Variants in NPAT observed in about 807,000 individuals in gnomAD.
NPAT encodes protein NPAT.
NPAT carries 52 observed loss-of-function variants against 130.7 expected under a neutral mutation model. The observed-to-expected ratio is 0.40, with a 90% CI of 0.32 to 0.50. The LOEUF (loss-of-function observed/expected upper bound fraction) is 0.50. NPAT is among the 20% of genes least tolerant of loss of function. The pLI is 0.68. For synonymous variants in NPAT, 580 were observed against 584.8 expected, an observed-to-expected ratio of 0.99 and a Z score of 0.12; for missense variants, 1,687 against 1,662.6, an observed-to-expected ratio of 1.01 and a Z score of -0.26.
Position 108,158,705 on chromosome 11 carries a change from C to G in NPAT, c.*237G>C, listed in dbSNP as rs2077817969. 1 of 440,890 alleles carries G rather than the reference C, an allele frequency of 2.3e-6. No individual in the cohort carries two copies. The allele number at this position is 440,890 out of a possible 1,614,324, so 27.3% of individuals were successfully genotyped here. A position where few individuals can be genotyped will look rare whatever the true frequency, so the allele number is the denominator to read the frequency against. On this transcript the variant is annotated 3_prime_UTR_variant, in exon 18 of 18. Coordinates refer to ENST00000278612, the MANE Select transcript of NPAT (RefSeq NM_002519.3). ...GAATTGTCAAAGCTATACAGTTTTG[C>G]AGATTGGCTTTACTTACATTTCTGC...
chr11:108,199,851 G>A (rs1466528142), intron 1 of NPAT, among the ~76,000 whole-genome samples: 2 of 152,122 alleles, frequency 1.3e-5, no homozygotes, highest in Non-Finnish European at 2.9e-5. Flanking sequence ...CAGCCCGTTC[G>A]GGTGTCAGTC....
intron 2 of NPAT, among the ~76,000 whole-genome samples, chr11:108,194,601 CAG>C (rs913479650): frequency 2.6e-5 from 4 of 152,156 alleles, no homozygotes; most frequent in African/African-American, 9.7e-5. Flanking sequence ...ATGAACACAT[CAG>C]AGTTTGTCAA....
chr11:108,162,726 C>T (rs528333029), intron 15 of NPAT, among the ~76,000 whole-genome samples: 8 of 152,274 alleles, frequency 5.3e-5, no homozygotes, highest in East Asian at 3.9e-4. Flanking sequence ...CCACCGCGCC[C>T]GGTTCAGGCA....
At chr11:108,166,180 T>C (rs1259814090) in intron 15 of NPAT, among the ~76,000 whole-genome samples, 3 of 151,734 alleles carry the variant, frequency 2.0e-5, no homozygotes, top group Non-Finnish European at 4.4e-5. Flanking sequence ...GATTAAGAGG[T>C]CAGGAGTTCA....
chr11:108,195,050 T>C (rs760279079), intron 2 of NPAT, among the ~76,000 whole-genome samples: 1 of 151,716 alleles, frequency 6.6e-6, no homozygotes. Flanking sequence ...TCTTGAACTC[T>C]TGACCTCGCT....
At chr11:108,209,210 G>A (rs1426230776) in intron 1 of NPAT, among the ~76,000 whole-genome samples, 1 of 152,100 alleles carries the variant, frequency 6.6e-6, no homozygotes, top group Non-Finnish European at 1.5e-5. Context: ...ATCCTGAGAG[G>A]CGGAGGCTGC....
chr11:108,217,801 T>C (rs1253807520), intron 1 of NPAT, among the ~76,000 whole-genome samples: 1 of 152,144 alleles, frequency 6.6e-6, no homozygotes. Flanking sequence ...CAGAACAGCC[T>C]GGCCAATATG....
rs200453131 is a variant in NPAT, at chr11:108,172,355, C to T, written c.2629G>A (p.Ala877Thr). ...GACTGACTTACAGATGTTCCTAACG[C>T]TGTTGGATCAGTCACACAGGTAGCT... The part of the protein sequence containing the change: ...LIATCVTDPT[A>T]LGTSVSQSNV... The change falls in exon 13 of 18, where the codon GCG becomes ACG. Residue 877 changes from alanine (A) to threonine (T), a missense_variant. Ala to Thr is a moderately conservative substitution (Grantham distance 58). This residue lies in a region of NPAT where 1,379 missense variants were observed against 1,346.6 expected (regional missense o/e 1.02). Transcript: ENST00000278612. 12 of 1,614,078 alleles carry T rather than the reference C, an allele frequency of 7.4e-6. 2 individuals carry two copies. The highest frequency in any genetic ancestry group is 5.5e-5 in the South Asian group (5 of 91,086).
intron 1 of NPAT, among the ~76,000 whole-genome samples, chr11:108,211,078 G>A (rs528275708): frequency 5.9e-5 from 9 of 152,164 alleles, no homozygotes; most frequent in African/African-American, 1.4e-4. Flanking sequence ...AATTAGCTGC[G>A]CCTGGTGGTG....
At chr11:108,166,606 C>T (rs2077905116) in intron 15 of NPAT, among the ~76,000 whole-genome samples, 1 of 152,164 alleles carries the variant, frequency 6.6e-6, no homozygotes, top group African/African-American at 2.4e-5. Context: ...CCATCTTGCT[C>T]TGACTTCTGA....
intron 17 of NPAT, among the ~76,000 whole-genome samples, chr11:108,159,347 G>A (rs1162420853): frequency 6.6e-6 from 1 of 152,142 alleles, no homozygotes; most frequent in Non-Finnish European, 1.5e-5. Flanking sequence ...ACTAACAGAT[G>A]TTTAGGGTTA....
chr11:108,211,551 A>G (rs928403724), intron 1 of NPAT, among the ~76,000 whole-genome samples: 3 of 152,028 alleles, frequency 2.0e-5, no homozygotes, highest in Non-Finnish European at 2.9e-5. Context: ...TTCAGGAAAA[A>G]AAAAAAAAAA....
intron 12 of NPAT, 43 bp downstream of exon 12, chr11:108,176,203 A>G (rs983981567): frequency 7.1e-7 from 1 of 1,402,144 alleles, no homozygotes; most frequent in Non-Finnish European, 1.0e-6. Flanking sequence ...TGAGACTAAT[A>G]TTAAGATTTG....
At chr11:108,186,661 A>AT in intron 7 of NPAT, 92 bp from the exon 8 acceptor site, 1 of 1,033,252 alleles carries the variant, frequency 9.7e-7, no homozygotes, top group Non-Finnish European at 1.5e-6. Flanking sequence ...TAAGATCACC[A>AT]TAACAGAACA....
intron 10 of NPAT, among the ~76,000 whole-genome samples, chr11:108,179,151 T>C (rs1013498959): frequency 1.4e-4 from 22 of 152,016 alleles, no homozygotes; most frequent in Non-Finnish European, 2.2e-4. Flanking sequence ...AGATATAGAG[T>C]TGGGAAAATT....
rs919394250 is a variant in NPAT at position 108,158,170 on chromosome 11, G to A, written c.*772C>T. The A allele has an allele frequency of 6.6e-6, 1 of 152,380 alleles. No homozygotes were observed. The highest frequency in any genetic ancestry group is 6.6e-5 in the Admixed American group (1 of 15,256). 9.4% of individuals were successfully genotyped at this position (152,380 alleles called of 1,614,324 possible). A position where few individuals can be genotyped will look rare whatever the true frequency, so the allele number is the denominator to read the frequency against. On this transcript the variant is annotated 3_prime_UTR_variant, in exon 18 of 18. Transcript: ENST00000278612. ...CATTTAGGGGAAAAGTACATACCGA[G>A]AAATCTCTACTACAAACCAAAATTT...
intron 10 of NPAT, among the ~76,000 whole-genome samples, chr11:108,178,652 G>T (rs61913700): frequency 6.6e-6 from 1 of 152,170 alleles, no homozygotes; most frequent in Non-Finnish European, 1.5e-5. Context: ...GAGGTCAGGA[G>T]TTCGAGACCC....
intron 7 of NPAT, 32 bp from the exon 8 acceptor site, chr11:108,186,601 C>T: frequency 6.6e-7 from 1 of 1,519,802 alleles, no homozygotes; most frequent in East Asian, 2.3e-5. Flanking sequence ...TTTCTTTTAA[C>T]CACTATATTT....
intron 10 of NPAT, among the ~76,000 whole-genome samples, chr11:108,178,137 T>G (rs958148200): frequency 6.6e-6 from 1 of 152,216 alleles, no homozygotes; most frequent in African/African-American, 2.4e-5. Flanking sequence ...GGGTTCTTCA[T>G]GTAAAATGCT....
Sources: allele counts gnomAD v4.1 joint callset (sites outside exome capture counted in the v4.1 genomes callset), GRCh38; gene constraint gnomAD v4.1.1; regional missense constraint gnomAD v4.1.1; transcripts MANE v1.5; gene names NCBI Gene and HGNC (gene_info 2026-07-23, HGNC 2026-07-21).